The following PGAP6 variants were observed in gnomAD, a reference collection of about 807,000 sequenced individuals.
PGAP6 encodes post-GPI attachment to proteins factor 6.
In PGAP6, 62 loss-of-function variants were observed where a neutral mutation model predicts 68.4. The observed-to-expected ratio is 0.91, with a 90% CI of 0.74 to 1.12. The LOEUF (loss-of-function observed/expected upper bound fraction) is 1.12, where lower values mean the gene tolerates loss of function less well. PGAP6 is among the 50% of genes most tolerant of loss of function. The pLI, the probability that PGAP6 is intolerant of heterozygous loss-of-function variation, is 0.00. For synonymous variants in PGAP6, 575 were observed against 474.0 expected (o/e 1.21, Z -2.77); for missense variants, 1,188 against 1,068.5 (o/e 1.11, Z -1.56).
At chr16:385,508 T>G (rs2054475964), upstream of PGAP6, among the ~76,000 whole-genome samples, 1 of 150,522 alleles carries the variant, frequency 6.6e-6, no homozygotes, top group Non-Finnish European at 1.5e-5. Context: ...AGATGGGATT[T>G]CACCCTGTTA....
At chr16:385,518 A>G (rs539528508), upstream of PGAP6, among the ~76,000 whole-genome samples, 302 of 149,488 alleles carry the variant, frequency 2.0e-3, 11 homozygotes, top group Middle Eastern at 3.5e-3. Flanking sequence ...TCACCCTGTT[A>G]GCCAGGATGG....
chr16:376,011 TG>T, intron 6 of PGAP6, 124 bp downstream of exon 6: 2 of 1,004,632 alleles, frequency 2.0e-6, no homozygotes, highest in Non-Finnish European at 2.8e-6. Context: ...GCCCCTGTCT[TG>T]GCCCGTGCCT....
At chr16:383,018 A>G (rs1391875218), upstream of PGAP6, among the ~76,000 whole-genome samples, 2 of 152,238 alleles carry the variant, frequency 1.3e-5, no homozygotes, top group Non-Finnish European at 2.9e-5. Context: ...CCGGAGGCTG[A>G]GGCCAGAGAA....
upstream of PGAP6, chr16:382,293 G>C: frequency 2.6e-6 from 1 of 391,966 alleles, no homozygotes; most frequent in Non-Finnish European, 4.5e-6. Flanking sequence ...CTGAGTCCCA[G>C]CTCCGCTCGG....
chr16:386,657 A>G (rs752997935), upstream of PGAP6: 1 of 360,754 alleles, frequency 2.8e-6, no homozygotes, highest in East Asian at 7.6e-5. Flanking sequence ...TTATTCTTTC[A>G]TAAAAAAAGG....
chr16:371,608 C>A lies in PGAP6; in HGVS notation c.*379G>T. The A allele has an allele frequency of 4.9e-6, 1 of 205,070 alleles. No individual in the cohort carries two copies. The highest frequency in any genetic ancestry group is 9.9e-6 in the Non-Finnish European group (1 of 101,036). 12.7% of individuals were successfully genotyped at this position (205,070 alleles called of 1,614,324 possible). A position where few individuals can be genotyped will look rare whatever the true frequency, so the allele number is the denominator to read the frequency against. On this transcript the variant is annotated 3_prime_UTR_variant, in exon 13 of 13. Transcript: ENST00000431232. ...CTCAGGGCTCCTGGGCGCCATGGGT[C>A]TCACCACAGCCTCGCCAGGGAACAG... is the stretch of plus-strand genomic sequence containing the variant.
At chr16:377,956 C>G in intron 1 of PGAP6, 108 bp from the exon 2 acceptor site, 1 of 996,534 alleles carries the variant, frequency 1.0e-6, no homozygotes, top group Non-Finnish European at 1.5e-6. Context: ...GGGGACCCAC[C>G]TGGAGATCTT....
At chr16:382,754 G>C (rs1454366815), upstream of PGAP6, among the ~76,000 whole-genome samples, 2 of 142,196 alleles carry the variant, frequency 1.4e-5, no homozygotes, top group African/African-American at 5.0e-5. Context: ...GTGGGAGGGG[G>C]GTGGGGGCGT....
In PGAP6 at chr16:376,745, G is replaced by C; in HGVS notation, c.703C>G (p.Leu235Val). 1 of 1,611,466 alleles carries C rather than the reference G, an allele frequency of 6.2e-7. No individual in the cohort carries two copies. The highest frequency in any genetic ancestry group is 8.5e-7 in the Non-Finnish European group (1 of 1,179,892). ...ELRDCVSNGS[L>V]GCPVRLTVGP... The stretch of plus-strand genomic sequence containing the variant: ...ACGGTGAGACGCACGGGGCAGCCCA[G>C]GCTCCCATTGGACACGCAGTCCCGC... The change falls in exon 5 of 13, where the codon CTG becomes GTG. Residue 235 changes from leucine (L) to valine (V), a missense_variant. Coordinates refer to ENST00000431232, the MANE Select transcript of PGAP6 (RefSeq NM_021259.3).
At chr16:382,091 A>AGG (rs909116095), upstream of PGAP6, 3 of 286,608 alleles carry the variant, frequency 1.0e-5, 1 homozygote, top group African/African-American at 7.9e-5. Flanking sequence ...GGGCGCCGGT[A>AGG]GGGGGGAGGG....
upstream of PGAP6, chr16:386,914 C>T (rs762147787): frequency 1.7e-6 from 1 of 604,064 alleles, no homozygotes; most frequent in Admixed American, 1.9e-5. Context: ...CGGCCCAAGA[C>T]ACTGCGACGC....
In PGAP6 at chr16:377,435, G is replaced by C; in HGVS notation, c.450C>G (p.Pro150=). 1.2e-6 allele frequency: 2 copies of C among 1,610,036 alleles called. No homozygotes were observed. The highest frequency in any genetic ancestry group is 1.7e-4 in the Middle Eastern group (1 of 5,988). The change falls in exon 3 of 13, where the codon CCC becomes CCG. Residue 150 remains proline, a synonymous_variant. Coordinates refer to ENST00000431232, the MANE Select transcript of PGAP6 (RefSeq NM_021259.3). ...GGTGGGCGGCCACGAACCAGTCCCC[G>C]GGGGCCGGGTGGGAAACGTTGACGG... The part of the protein sequence containing the change: ...NASVNVSHPA[P]GDWFVAAHLP...
chr16:383,331 G>A (rs981753534), upstream of PGAP6: 4 of 152,248 alleles, frequency 2.6e-5, no homozygotes, highest in Admixed American at 6.5e-5. Context: ...GCAGGCAGAG[G>A]ATGTGGGAGC....
At chr16:383,836 G>C (rs1343989573), upstream of PGAP6, among the ~76,000 whole-genome samples, 1 of 134,208 alleles carries the variant, frequency 7.5e-6, no homozygotes, top group Non-Finnish European at 1.7e-5. Context: ...GCCGCAGCGG[G>C]TGGTGAGGGT....
chr16:381,084 G>A (rs1411945316), intron 1 of PGAP6, among the ~76,000 whole-genome samples: 1 of 152,238 alleles, frequency 6.6e-6, no homozygotes, highest in Non-Finnish European at 1.5e-5. Flanking sequence ...GACCCTCAGG[G>A]AACAGAAATG....
upstream of PGAP6, among the ~76,000 whole-genome samples, chr16:384,890 C>T (rs191286905): frequency 4.0e-5 from 6 of 150,530 alleles, no homozygotes; most frequent in East Asian, 3.9e-4. Flanking sequence ...AGGCCGTACG[C>T]GGTGGCTAAT....
chr16:372,542 C>T, intron 12 of PGAP6, 69 bp downstream of exon 12: 1 of 1,291,950 alleles, frequency 7.7e-7, no homozygotes, highest in Non-Finnish European at 1.1e-6. Flanking sequence ...AGGAACGTGG[C>T]TAGAGCAAGG....
chr16:386,713 AAAAAAAAAAAACC>A, upstream of PGAP6: 1 of 406,130 alleles, frequency 2.5e-6, no homozygotes, highest in South Asian at 1.8e-5. Context: ...AGTCTCTACA[AAAAAAAAAAAACC>A]AAAAAAAAAA....
At chr16:372,844 C>T (rs2054347316) in intron 11 of PGAP6, 117 bp from the exon 12 acceptor site, 2 of 694,398 alleles carry the variant, frequency 2.9e-6, no homozygotes, top group South Asian at 1.8e-5. Flanking sequence ...GCTGCTGCCA[C>T]CCTCAGACCA....
Sources: allele counts gnomAD v4.1 joint callset (sites outside exome capture counted in the v4.1 genomes callset), GRCh38; gene constraint gnomAD v4.1.1; transcripts MANE v1.5; gene names NCBI Gene and HGNC (gene_info 2026-07-23, HGNC 2026-07-21).